CT45A1: variants seen among roughly 807,000 people sequenced by gnomAD.
The protein encoded by CT45A1 is cancer/testis antigen family 45 member A1, also known as cancer/testis antigen 45-1.
At chrX:135,718,346 G>A (rs782196961) in intron 1 of CT45A1, among the ~76,000 whole-genome samples, 1 of 110,966 alleles carries the variant, frequency 9.0e-6, no homozygotes, top group Non-Finnish European at 1.9e-5. Flanking sequence ...GGTGATATTG[G>A]CTTGTATTTT....
chrX:135,715,492 ATG>A (rs1259185380), intron 1 of CT45A1, among the ~76,000 whole-genome samples: 1 of 79,824 alleles, frequency 1.3e-5, no homozygotes, highest in Non-Finnish European at 2.2e-5. Flanking sequence ...TAATACTTAT[ATG>A]TATATAATAC....
At chrX:135,712,969 C>CTTTCT (rs1556570100), upstream of CT45A1, among the ~76,000 whole-genome samples, 1 of 49,120 alleles carries the variant, frequency 2.0e-5, no homozygotes, top group Non-Finnish European at 3.9e-5. Context: ...TTCTTTCTTT[C>CTTTCT]TTTCTTTTCT....
chrX:135,712,891 C>T (rs1325397880), upstream of CT45A1, among the ~76,000 whole-genome samples: 1 of 108,133 alleles, frequency 9.2e-6, no homozygotes, highest in Non-Finnish European at 1.9e-5. Flanking sequence ...GTTGTCGTTT[C>T]TTTCTTTCTT....
At chrX:135,715,374 ATACT>A (rs1556571089) in intron 1 of CT45A1, among the ~76,000 whole-genome samples, 1 of 73,048 alleles carries the variant, frequency 1.4e-5, no homozygotes, top group African/African-American at 5.2e-5. Flanking sequence ...TATATATATA[ATACT>A]TATATATAAT....
upstream of CT45A1, among the ~76,000 whole-genome samples, chrX:135,709,485 C>T (rs2501489): frequency 0.2 from 21,740 of 111,270 alleles, 1,683 homozygotes; most frequent in Non-Finnish European, 0.24. Context: ...GCCAGCCTTG[C>T]CTGGAACTCC....
upstream of CT45A1, among the ~76,000 whole-genome samples, chrX:135,712,370 C>A (rs1278470173): frequency 9.4e-6 from 1 of 106,739 alleles, no homozygotes; most frequent in South Asian, 4.2e-4. Flanking sequence ...ACCATGCTGC[C>A]CAGGCCACTC....
intron 1 of CT45A1, among the ~76,000 whole-genome samples, 184 bp downstream of exon 1, chrX:135,713,874 C>T (rs782435205): frequency 4.6e-5 from 5 of 109,562 alleles, no homozygotes; most frequent in South Asian, 4.1e-4. Flanking sequence ...GTGTCAGCCG[C>T]GGGGGAGCGT....
chrX:135,710,962 A>G (rs1157435801), upstream of CT45A1, among the ~76,000 whole-genome samples: 1 of 111,842 alleles, frequency 8.9e-6, no homozygotes, highest in Non-Finnish European at 1.9e-5. Context: ...ACATACTTAC[A>G]CGTCTGGATA....
At chrX:135,712,895 C>A (rs1316424809), upstream of CT45A1, among the ~76,000 whole-genome samples, 1 of 108,288 alleles carries the variant, frequency 9.2e-6, no homozygotes, top group Non-Finnish European at 1.9e-5. Context: ...TCGTTTCTTT[C>A]TTTCTTTCTT....
chrX:135,715,657 ATACT>A (rs1218241832), intron 1 of CT45A1, among the ~76,000 whole-genome samples: 2 of 99,350 alleles, frequency 2.0e-5, no homozygotes, highest in Non-Finnish European at 3.9e-5. Context: ...TATGTATATA[ATACT>A]TATATATATA....
chrX:135,712,179 C>T (rs374075116), upstream of CT45A1, among the ~76,000 whole-genome samples: 101 of 48,401 alleles, frequency 2.1e-3, no homozygotes, highest in East Asian at 2.6e-3. Context: ...TTTTTTCTTT[C>T]TTTTTTTTTT....
upstream of CT45A1, chrX:135,713,522 G>A (rs1356767134): frequency 3.0e-5 from 22 of 733,954 alleles, 1 homozygote; most frequent in African/African-American, 3.7e-4. Context: ...GACCAAACGG[G>A]ATCGGTGCTT....
upstream of CT45A1, among the ~76,000 whole-genome samples, chrX:135,710,616 G>T (rs2087928933): frequency 8.9e-6 from 1 of 112,228 alleles, no homozygotes; most frequent in South Asian, 3.7e-4. Context: ...CATGGTGAGT[G>T]GAAGTCCATG....
upstream of CT45A1, among the ~76,000 whole-genome samples, chrX:135,713,222 T>G (rs781794718): frequency 1.3e-4 from 13 of 103,723 alleles, no homozygotes; most frequent in African/African-American, 1.4e-4. Flanking sequence ...GTGTGTTTTT[T>G]TTTTTTTTGG....
chrX:135,715,433 C>CTT (rs1394109426), intron 1 of CT45A1, among the ~76,000 whole-genome samples: 6 of 75,740 alleles, frequency 7.9e-5, no homozygotes, highest in African/African-American at 3.2e-4. Flanking sequence ...ATATATAATA[C>CTT]TTATATATAA....
upstream of CT45A1, chrX:135,710,031 C>T (rs2087926569): frequency 8.9e-6 from 1 of 112,039 alleles, no homozygotes; most frequent in African/African-American, 3.2e-5. Context: ...AATTGTATAT[C>T]CTCTTTGAAC....
chrX:135,715,292 TA>T (rs782441064), intron 1 of CT45A1, among the ~76,000 whole-genome samples: 46 of 80,746 alleles, frequency 5.7e-4, no homozygotes, highest in African/African-American at 2.2e-3. Flanking sequence ...CTTATATATA[TA>T]ATACTTATAT....
chrX:135,716,934 G>C (rs1471929137), intron 1 of CT45A1, among the ~76,000 whole-genome samples: 1 of 111,036 alleles, frequency 9.0e-6, no homozygotes, highest in East Asian at 2.8e-4. Context: ...ATTGTTTCTG[G>C]CCTCTGTGTC....
At chrX:135,711,328 AG>A (rs1343527718), upstream of CT45A1, among the ~76,000 whole-genome samples, 4 of 112,448 alleles carry the variant, frequency 3.6e-5, no homozygotes, top group Non-Finnish European at 7.5e-5. Flanking sequence ...TGTTCTGTAA[AG>A]GTTCTGAAAC....
Sources: allele counts gnomAD v4.1 joint callset (sites outside exome capture counted in the v4.1 genomes callset), GRCh38; gene constraint gnomAD v4.1.1; transcripts MANE v1.5; gene names NCBI Gene and HGNC (gene_info 2026-07-23, HGNC 2026-07-21).